Variants in ABCA13 observed in about 807,000 individuals in gnomAD.
The protein encoded by ABCA13 is ATP binding cassette subfamily A member 13.
ABCA13 carries 476 observed loss-of-function variants against 478.7 expected under a neutral mutation model. The ratio of observed to expected loss-of-function variants is 0.99; its 90% CI spans 0.92 to 1.07. The LOEUF (loss-of-function observed/expected upper bound fraction) is 1.07. Among genes scored for constraint, ABCA13 ranks in the 50% least tolerant of loss-of-function variants. The pLI, the probability that ABCA13 is intolerant of heterozygous loss-of-function variation, is 0.00. For missense variants in ABCA13, 6,060 were observed against 5,910.6 expected, an observed-to-expected ratio of 1.03 and a Z score of -0.83; for synonymous variants, 2,252 against 2,158.9, an observed-to-expected ratio of 1.04 and a Z score of -1.20.
At chr7:48,198,640 C>CTCT (rs1271271936) in intron 3 of ABCA13, among the ~76,000 whole-genome samples, 13 of 152,196 alleles carry the variant, frequency 8.5e-5, no homozygotes, top group Admixed American at 8.5e-4. Flanking sequence ...TAGGTTAAAA[C>CTCT]TCTTGACTTC....
chr7:48,586,009 A>G (rs772370748), intron 56 of ABCA13, among the ~76,000 whole-genome samples: 2 of 152,204 alleles, frequency 1.3e-5, no homozygotes, highest in Non-Finnish European at 2.9e-5. Flanking sequence ...ATAGACACAT[A>G]TAATACACAG....
At chr7:48,294,458 G>C (rs1207264906) in intron 20 of ABCA13, among the ~76,000 whole-genome samples, 1 of 45,606 alleles carries the variant, frequency 2.2e-5, no homozygotes, top group Non-Finnish European at 4.7e-5. Context: ...TTTTTTTTTT[G>C]AGACGGAGTC....
intron 52 of ABCA13, among the ~76,000 whole-genome samples, chr7:48,518,636 G>C (rs1381542005): frequency 6.6e-6 from 1 of 151,994 alleles, no homozygotes; most frequent in East Asian, 1.9e-4. Context: ...CTTTTCCTTT[G>C]CTCTTTATTT....
At chr7:48,589,902 CT>C (rs1789550764) in intron 57 of ABCA13, among the ~76,000 whole-genome samples, 1 of 152,158 alleles carries the variant, frequency 6.6e-6, no homozygotes. Flanking sequence ...ATCTTATAAA[CT>C]CATTCACCTC....
At chr7:48,415,583 G>A (rs56233541) in intron 41 of ABCA13, among the ~76,000 whole-genome samples, 2 of 152,054 alleles carry the variant, frequency 1.3e-5, no homozygotes, top group Non-Finnish European at 2.9e-5. Context: ...AAACACATGC[G>A]ACAGGAAGAG....
At chr7:48,497,419 A>G (rs1308882513) in intron 48 of ABCA13, among the ~76,000 whole-genome samples, 1 of 152,168 alleles carries the variant, frequency 6.6e-6, no homozygotes, top group African/African-American at 2.4e-5. Context: ...TTTTGACATT[A>G]CCATTTTTTA....
At chr7:48,404,439 A>AT (rs1818003737) in intron 39 of ABCA13, 1 of 170,730 alleles carries the variant, frequency 5.9e-6, no homozygotes, top group Admixed American at 5.6e-5. Flanking sequence ...TGTTCTATGT[A>AT]TTTTCTGTGA....
At chr7:48,526,051 G>A (rs1404424329) in intron 54 of ABCA13, among the ~76,000 whole-genome samples, 1 of 152,078 alleles carries the variant, frequency 6.6e-6, no homozygotes, top group Non-Finnish European at 1.5e-5. Context: ...ATGCAGGTCT[G>A]TCTTATGACC....
chr7:48,211,691 T>A (rs541355118), intron 3 of ABCA13, among the ~76,000 whole-genome samples: 1 of 152,262 alleles, frequency 6.6e-6, no homozygotes, highest in African/African-American at 2.4e-5. Context: ...CCAATCCTGC[T>A]GGGACTGGGT....
At chr7:48,364,843 T>G (rs1811430906) in intron 31 of ABCA13, among the ~76,000 whole-genome samples, 1 of 152,206 alleles carries the variant, frequency 6.6e-6, no homozygotes, top group South Asian at 2.1e-4. Flanking sequence ...ATATCTTAGC[T>G]ATTGTGAATA....
chr7:48,441,973 T>C (rs1440143010), intron 42 of ABCA13, among the ~76,000 whole-genome samples: 1 of 152,212 alleles, frequency 6.6e-6, no homozygotes, highest in Non-Finnish European at 1.5e-5. Flanking sequence ...TGGAGGAACA[T>C]GTAGCACAGA....
intron 30 of ABCA13, among the ~76,000 whole-genome samples, chr7:48,351,048 A>AGTGAC (rs1808891711): frequency 6.6e-6 from 1 of 152,206 alleles, no homozygotes; most frequent in Non-Finnish European, 1.5e-5. Context: ...AGTGACTAAT[A>AGTGAC]ACGTTTTCAC....
rs549379190 is a variant in ABCA13, at chr7:48,607,075, A to G, written c.14745-8210A>G. ...TCTCCCAACCAAGCTTGAGCATCCC[A>G]GGTCCACCTCAGACTGCTGTGCTAG... On this transcript the variant is annotated intron_variant, in intron 58 of 61. Transcript: ENST00000435803. 5.9e-4 allele frequency among the ~76,000 whole-genome samples: 90 copies of G among 152,310 alleles called. 2 individuals are homozygous for G. The highest frequency in any genetic ancestry group is 2.7e-3 in the South Asian group (13 of 4,830).
Position 48,276,087 on chromosome 7 carries a change from A to G in ABCA13, c.6421A>G (p.Met2141Val). The change falls in exon 17 of 62, where the codon ATG (methionine) becomes GTG (valine). Residue 2141 changes from methionine to valine, a missense_variant. Coordinates refer to ENST00000435803, the MANE Select transcript of ABCA13 (RefSeq NM_152701.5). ...QEYANEDYSR[M>V]IETLFIPVTN... is the part of the protein sequence containing the mutation. Reference sequence around the variant, plus strand: ...ATATGCAAATGAGGATTACTCCAGAATGATAGAAACATTATTCATTCCTGT... The same window carrying G: ...ATATGCAAATGAGGATTACTCCAGAGTGATAGAAACATTATTCATTCCTGT... 1.2e-6 allele frequency: 2 copies of G among 1,602,370 alleles called. No homozygotes were observed. Among genetic ancestry groups the G allele is most frequent in the African/African-American group, 2.7e-5 (2 of 74,630 alleles).
In ABCA13 at chr7:48,443,569, G is replaced by C. The variant is rs548485352; in HGVS notation, c.12566-11468G>C. 3.9e-5 allele frequency among the ~76,000 whole-genome samples: 6 copies of C among 152,272 alleles called. No individual in the cohort carries two copies. In the South Asian group the frequency reaches 1.2e-3, roughly 32 times the overall value. On this transcript the variant is annotated intron_variant, in intron 42 of 61. Transcript: ENST00000435803. ...ACAGGTTTCACTTTGCTGATTTGTT[G>C]TTACTCATCGCATGGTTTTCAGTTT...
chr7:48,185,602 T>G (rs1648259144), intron 1 of ABCA13, among the ~76,000 whole-genome samples: 1 of 152,218 alleles, frequency 6.6e-6, no homozygotes. Flanking sequence ...AGCTTCTTTT[T>G]GCTGTCTTTC....
chr7:48,461,713 C>T (rs1585423530), intron 43 of ABCA13, among the ~76,000 whole-genome samples: 1 of 152,088 alleles, frequency 6.6e-6, no homozygotes, highest in Admixed American at 6.6e-5. Flanking sequence ...GTAGTCGTAC[C>T]TCTTAGTGGG....
At chr7:48,173,171 T>C (rs1367315894) in intron 1 of ABCA13, among the ~76,000 whole-genome samples, 1 of 152,266 alleles carries the variant, frequency 6.6e-6, no homozygotes, top group Admixed American at 6.5e-5. Context: ...TTTTATTTGT[T>C]TGATAACTGT....
At chr7:48,197,165 C>A (rs567649863) in intron 2 of ABCA13, among the ~76,000 whole-genome samples, 202 of 152,310 alleles carry the variant, frequency 1.3e-3, no homozygotes, top group Middle Eastern at 0.01. Context: ...GGAGGACAGG[C>A]ACAAGCCCAG....
Sources: gnomAD v4.1 joint callset for allele counts (sites outside exome capture counted in the v4.1 genomes callset) on GRCh38, gnomAD v4.1.1 for gene constraint, MANE v1.5 for transcripts, NCBI Gene and HGNC (gene_info 2026-07-23, HGNC 2026-07-21) for gene names.